Variants in FKBP15 observed in about 807,000 individuals in gnomAD.
FKBP15 encodes the protein FK506-binding protein 15.
In FKBP15, 106 loss-of-function variants were observed where a neutral mutation model predicts 158.1. The ratio of observed to expected loss-of-function variants is 0.67; its 90% CI spans 0.57 to 0.79. The LOEUF (loss-of-function observed/expected upper bound fraction) is 0.79, where lower values mean the gene tolerates loss of function less well. Ranked by LOEUF, FKBP15 falls within the 30% of genes least tolerant of loss-of-function variation. The probability of loss-of-function intolerance (pLI) is 0.00; values close to 1 mark genes in which losing one functional copy is unlikely to be tolerated. For synonymous variants in FKBP15, 547 were observed against 548.6 expected, an observed-to-expected ratio of 1.00 and a Z score of 0.04; for missense variants, 1,287 against 1,479.1, an observed-to-expected ratio of 0.87 and a Z score of 2.13.
intron 27 of FKBP15, among the ~76,000 whole-genome samples, chr9:113,166,539 C>T (rs1830102269): frequency 6.6e-6 from 1 of 152,090 alleles, no homozygotes; most frequent in Admixed American, 6.5e-5. Context: ...CCTGAGAGAG[C>T]GAGAGGAAGT....
intron 9 of FKBP15, among the ~76,000 whole-genome samples, chr9:113,196,007 C>T (rs185266826): frequency 1.1e-4 from 17 of 148,048 alleles, no homozygotes; most frequent in South Asian, 4.3e-4. Context: ...TATGTATATA[C>T]GTATACACAC....
intron 20 of FKBP15, among the ~76,000 whole-genome samples, chr9:113,177,489 A>C (rs948205675): frequency 1.3e-5 from 2 of 152,244 alleles, no homozygotes; most frequent in African/African-American, 2.4e-5. Flanking sequence ...ATGCTCTAAA[A>C]GGGAAGAGAT....
At chr9:113,217,214 T>G (rs112487131) in intron 1 of FKBP15, among the ~76,000 whole-genome samples, 14,720 of 143,040 alleles carry the variant, frequency 0.1, 1,024 homozygotes, top group Non-Finnish European at 0.15. Flanking sequence ...TTTTTTTTTT[T>G]TTTTTTTTTT....
chr9:113,200,203 T>C (rs572256894), intron 6 of FKBP15, among the ~76,000 whole-genome samples: 3 of 152,330 alleles, frequency 2.0e-5, no homozygotes, highest in East Asian at 3.9e-4. Flanking sequence ...TTTGTGACCC[T>C]AGCCAAATAA....
chr9:113,169,150 C>T (rs1436941055), intron 26 of FKBP15, 74 bp downstream of exon 26: 3 of 1,508,470 alleles, frequency 2.0e-6, no homozygotes, highest in Non-Finnish European at 2.6e-6. Flanking sequence ...GATGAGTTGC[C>T]AGCCCTGGAA....
intron 8 of FKBP15, 137 bp from the exon 9 acceptor site, chr9:113,197,215 C>T: frequency 2.1e-6 from 2 of 943,502 alleles, no homozygotes; most frequent in Non-Finnish European, 3.2e-6. Context: ...CTGACTACTG[C>T]CCCATGTTGG....
At chr9:113,219,300 A>G (rs1422055636) in intron 1 of FKBP15, among the ~76,000 whole-genome samples, 2 of 152,238 alleles carry the variant, frequency 1.3e-5, no homozygotes, top group African/African-American at 4.8e-5. Flanking sequence ...TGTTTAAATC[A>G]AGAGACTTGG....
chr9:113,218,521 T>G (rs1043681255), intron 1 of FKBP15, among the ~76,000 whole-genome samples: 1 of 151,918 alleles, frequency 6.6e-6, no homozygotes, highest in Non-Finnish European at 1.5e-5. Flanking sequence ...TGTATGGCAT[T>G]AAGTAAGCAC....
At chr9:113,171,742 A>AACCTTGATT in intron 23 of FKBP15, 36 bp from the exon 24 acceptor site, 1 of 1,470,558 alleles carries the variant, frequency 6.8e-7, no homozygotes. Context: ...TGGCCTCAGG[A>AACCTTGATT]ACCAGGTGAA....
chr9:113,190,087 G>A (rs1050782009), intron 12 of FKBP15, among the ~76,000 whole-genome samples: 2 of 152,146 alleles, frequency 1.3e-5, no homozygotes. Flanking sequence ...TTAGTGATAG[G>A]CAACATCAGC....
intron 3 of FKBP15, 22 bp downstream of exon 3, chr9:113,207,190 G>A: frequency 6.3e-7 from 1 of 1,594,116 alleles, no homozygotes; most frequent in Non-Finnish European, 8.6e-7. Flanking sequence ...ACTTCAGAGG[G>A]TGTTCCTTCT....
intron 2 of FKBP15, 52 bp from the exon 3 acceptor site, chr9:113,207,348 A>ATTTTTTTTTTTTTTTTTTT: frequency 2.2e-6 from 3 of 1,393,622 alleles, no homozygotes; most frequent in Non-Finnish European, 3.0e-6. Flanking sequence ...CTTTAAACTA[A>ATTTTTTTTTTTTTTTTTTT]TTTTTTTTAA....
chr9:113,187,584 G>T (rs1240028672), intron 14 of FKBP15: 2 of 562,806 alleles, frequency 3.6e-6, no homozygotes, highest in Non-Finnish European at 6.5e-6. Context: ...GGCTCTACTT[G>T]TTCTTGCATT....
chr9:113,188,662 C>T, intron 12 of FKBP15, 171 bp from the exon 13 acceptor site: 1 of 575,994 alleles, frequency 1.7e-6, no homozygotes, highest in South Asian at 2.1e-5. Context: ...AGAAAAAGCA[C>T]TCTGCTATGC....
At chr9:113,216,542 C>A (rs1831139402) in intron 1 of FKBP15, among the ~76,000 whole-genome samples, 3 of 152,172 alleles carry the variant, frequency 2.0e-5, no homozygotes, top group Non-Finnish European at 4.4e-5. Context: ...TAGAAGACAG[C>A]AAGATTTGTC....
chr9:113,211,639 C>A lies in FKBP15; in HGVS notation c.54-47G>T, dbSNP rs565723497. 5.9e-4 allele frequency: 829 copies of A among 1,401,230 alleles called. 1 individual carries two copies. Among genetic ancestry groups the A allele is most frequent in the Non-Finnish European group, 7.6e-4 (774 of 1,015,100 alleles). 86.8% of individuals were successfully genotyped at this position (1,401,230 alleles called of 1,614,324 possible). ...TGAAATTTCACTGATATATCCCAAA[C>A]CTGGAATTATTATAAAAGCTGCTCA... On this transcript the variant is annotated intron_variant, in intron 1 of 27. Coordinates refer to ENST00000238256, the MANE Select transcript of FKBP15 (RefSeq NM_015258.2).
In FKBP15 at chr9:113,161,723, G is replaced by A. The variant is rs763809851; in HGVS notation, c.*4355C>T. The A allele has an allele frequency of 1.9e-6, 3 of 1,611,406 alleles. No homozygotes were observed. Among genetic ancestry groups the A allele is most frequent in the Non-Finnish European group, 2.5e-6 (3 of 1,178,224 alleles). The stretch of plus-strand genomic sequence containing the variant: ...GGTACAGGCAGTGGGTATGGGAAAG[G>A]GGCAGAAGCCTCACATTCACCCTGA... On this transcript the variant is annotated 3_prime_UTR_variant, in exon 28 of 28. Coordinates refer to ENST00000238256, the MANE Select transcript of FKBP15 (RefSeq NM_015258.2).
intron 1 of FKBP15, among the ~76,000 whole-genome samples, chr9:113,216,255 T>A (rs1233426905): frequency 6.6e-6 from 1 of 152,190 alleles, no homozygotes; most frequent in Non-Finnish European, 1.5e-5. Context: ...AAGTAAACAT[T>A]GAAACTTCCC....
chr9:113,181,930 A>C (rs1442664102), intron 19 of FKBP15, among the ~76,000 whole-genome samples: 1 of 152,150 alleles, frequency 6.6e-6, no homozygotes, highest in Non-Finnish European at 1.5e-5. Flanking sequence ...AAATGGTATA[A>C]AGTAATGGGA....
Sources: gnomAD v4.1 joint callset for allele counts (sites outside exome capture counted in the v4.1 genomes callset) on GRCh38, gnomAD v4.1.1 for gene constraint, MANE v1.5 for transcripts, NCBI Gene and HGNC (gene_info 2026-07-23, HGNC 2026-07-21) for gene names.